The following SORT1 variants were observed in gnomAD, a reference collection of about 807,000 sequenced individuals.
The protein encoded by SORT1 is sortilin 1, also known as sortilin.
Under a neutral mutation model 101.7 loss-of-function variants are expected in SORT1, and 39 were observed. The ratio of observed to expected loss-of-function variants is 0.38; its 90% confidence interval spans 0.30 to 0.50. The LOEUF is 0.50. SORT1 is among the 20% of genes least tolerant of loss of function. SORT1 has a pLI of 0.90. For synonymous variants in SORT1, 396 were observed against 393.7 expected (o/e 1.01, Z -0.07); for missense variants, 878 against 1,040.4 (o/e 0.84, Z 2.15).
chr1:109,314,943 AC>A (rs1333894387), intron 17 of SORT1, among the ~76,000 whole-genome samples, 165 bp from the exon 18 acceptor site: 1 of 152,178 alleles, frequency 6.6e-6, no homozygotes, highest in Admixed American at 6.5e-5. Flanking sequence ...TCTCAGTGTT[AC>A]CAGGAGAATA....
intron 3 of SORT1, among the ~76,000 whole-genome samples, chr1:109,355,922 C>T (rs1319418464): frequency 6.6e-6 from 1 of 151,826 alleles, no homozygotes; most frequent in Admixed American, 6.6e-5. Context: ...GTTACCCAGG[C>T]TGGAGTGCAG....
At chr1:109,386,569 T>C (rs1044620635) in intron 1 of SORT1, among the ~76,000 whole-genome samples, 2 of 152,116 alleles carry the variant, frequency 1.3e-5, no homozygotes, top group East Asian at 3.9e-4. Flanking sequence ...AATATGCACA[T>C]AGGCCAGGTG....
chr1:109,385,274 T>C (rs1652503995), intron 1 of SORT1, among the ~76,000 whole-genome samples: 1 of 152,160 alleles, frequency 6.6e-6, no homozygotes, highest in Admixed American at 6.5e-5. Context: ...GGGAGGCACA[T>C]TCAAACCACA....
chr1:109,371,640 C>T (rs753989695), intron 1 of SORT1, among the ~76,000 whole-genome samples: 11 of 152,186 alleles, frequency 7.2e-5, no homozygotes, highest in Non-Finnish European at 1.2e-4. Context: ...ACTGGCATTA[C>T]CCACATTTTC....
intron 10 of SORT1, among the ~76,000 whole-genome samples, chr1:109,340,307 A>G (rs1649125430): frequency 6.6e-6 from 1 of 152,234 alleles, no homozygotes; most frequent in Non-Finnish European, 1.5e-5. Context: ...CAGACATACA[A>G]CAACCAATAG....
intron 1 of SORT1, among the ~76,000 whole-genome samples, chr1:109,387,882 G>A (rs745366932): frequency 8.6e-5 from 13 of 152,046 alleles, no homozygotes; most frequent in Non-Finnish European, 1.2e-4. Context: ...CCCCAGAGGC[G>A]GAGGTTGCAG....
intron 6 of SORT1, among the ~76,000 whole-genome samples, chr1:109,350,381 G>A (rs1455921542): frequency 6.6e-6 from 1 of 152,150 alleles, no homozygotes; most frequent in East Asian, 1.9e-4. Flanking sequence ...CAAAGGTGAC[G>A]AGACTCCCAA....
chr1:109,359,966 A>C (rs1221684403), intron 3 of SORT1, among the ~76,000 whole-genome samples: 1 of 152,206 alleles, frequency 6.6e-6, no homozygotes, highest in African/African-American at 2.4e-5. Flanking sequence ...CACTTCCAAA[A>C]TACAATGGTG....
intron 18 of SORT1, 30 bp downstream of exon 18, chr1:109,314,642 G>A (rs773202784): frequency 4.8e-6 from 7 of 1,453,836 alleles, no homozygotes; most frequent in Non-Finnish European, 6.8e-6. Context: ...CTTGAACTCA[G>A]TACCTTGGAT....
At chr1:109,372,049 G>T (rs535556566) in intron 1 of SORT1, among the ~76,000 whole-genome samples, 2 of 152,186 alleles carry the variant, frequency 1.3e-5, no homozygotes, top group Non-Finnish European at 2.9e-5. Flanking sequence ...ATCCAGGAGA[G>T]CTAGGGACCC....
At chr1:109,381,462 C>A (rs1652229917) in intron 1 of SORT1, among the ~76,000 whole-genome samples, 1 of 151,984 alleles carries the variant, frequency 6.6e-6, no homozygotes, top group Non-Finnish European at 1.5e-5. Flanking sequence ...TCTTAAAAAA[C>A]CCAAAACTAA....
At chr1:109,391,500 AACAGAAAATAAGTTACATTC>A (rs1462060810) in intron 1 of SORT1, among the ~76,000 whole-genome samples, 13 of 152,242 alleles carry the variant, frequency 8.5e-5, no homozygotes, top group Non-Finnish European at 1.5e-4. Context: ...TAAAACACAA[AACAGAAAATAAGTTACATTC>A]ACAGAAAACT....
At chr1:109,363,385 G>A (rs112357802) in intron 3 of SORT1, among the ~76,000 whole-genome samples, 55 of 152,072 alleles carry the variant, frequency 3.6e-4, no homozygotes, top group African/African-American at 1.3e-3. Context: ...TCCTTATAAG[G>A]AAATCAAAAT....
At chr1:109,333,224 C>A (rs930311177) in intron 11 of SORT1, among the ~76,000 whole-genome samples, 2 of 152,126 alleles carry the variant, frequency 1.3e-5, no homozygotes, top group Non-Finnish European at 2.9e-5. Flanking sequence ...CCACACCTGG[C>A]CTCAATCCTT....
chr1:109,367,800 C>T (rs1277396175), intron 2 of SORT1, among the ~76,000 whole-genome samples: 1 of 152,222 alleles, frequency 6.6e-6, no homozygotes, highest in African/African-American at 2.4e-5. Flanking sequence ...CTTCCCTTTT[C>T]TCCTTACAGA....
chr1:109,367,853 T>C (rs925688197), intron 2 of SORT1, among the ~76,000 whole-genome samples: 1 of 152,234 alleles, frequency 6.6e-6, no homozygotes, highest in Non-Finnish European at 1.5e-5. Flanking sequence ...CACTGTGTCA[T>C]GTATGTCTGT....
chr1:109,397,495 T>G (rs2100941220), intron 1 of SORT1, 92 bp downstream of exon 1: 1 of 865,874 alleles, frequency 1.2e-6, no homozygotes. Context: ...AGGGCTGGGG[T>G]CTCCTCCGGG....
chr1:109,345,464 G>A (rs113011089), intron 8 of SORT1, among the ~76,000 whole-genome samples: 200 of 151,830 alleles, frequency 1.3e-3, no homozygotes, highest in African/African-American at 4.5e-3. Context: ...GCAGTGAGCC[G>A]AGATTGCGTC....
At chr1:109,397,306 A>G (rs1653242264) in intron 1 of SORT1, 1 of 154,340 alleles carries the variant, frequency 6.5e-6, no homozygotes, top group Admixed American at 6.5e-5. Flanking sequence ...GATTATTTAT[A>G]CAGACGAAAA....
Sources: gnomAD v4.1 joint callset for allele counts (sites outside exome capture counted in the v4.1 genomes callset) on GRCh38, gnomAD v4.1.1 for gene constraint, MANE v1.5 for transcripts, NCBI Gene and HGNC (gene_info 2026-07-23, HGNC 2026-07-21) for gene names.